PLS3: variants seen among roughly 807,000 people sequenced by gnomAD.
PLS3 encodes the protein plastin 3, also known as plastin-3.
A neutral mutation model predicts 46.5 loss-of-function variants in PLS3; 11 were observed. That is an observed-to-expected ratio of 0.24 (90% CI 0.15 to 0.39). The LOEUF is 0.39. Ranked by LOEUF, PLS3 falls within the 10% of genes least tolerant of loss-of-function variation. The pLI is 1.00. For missense variants in PLS3, 308 were observed against 461.8 expected (o/e 0.67, Z 3.05); for synonymous variants, 167 against 162.2 (o/e 1.03, Z -0.22).
Position 115,629,185 on chromosome X carries a change from C to T in PLS3, c.238-13C>T. 1.8e-6 allele frequency: 2 copies of T among 1,105,561 alleles called. No individual in the cohort carries two copies. Among genetic ancestry groups the T allele is most frequent in the Non-Finnish European group, 2.5e-6 (2 of 807,136 alleles). 91.1% of individuals were successfully genotyped at this position (1,105,561 alleles called of 1,213,427 possible). A position where few individuals can be genotyped will look rare whatever the true frequency, so the allele number is the denominator to read the frequency against. Reference sequence around the variant, plus strand: ...AATTAATTGTGAATCAACAAAATTACTTTAATTAATAGATTTTTCAAGAGG... The same window carrying T: ...AATTAATTGTGAATCAACAAAATTATTTTAATTAATAGATTTTTCAAGAGG... On this transcript the variant is annotated splice_polypyrimidine_tract_variant and intron_variant, in intron 3 of 15. Coordinates refer to ENST00000355899, the MANE Select transcript of PLS3 (RefSeq NM_005032.7).
chrX:115,631,106 G>A (rs1214896248), intron 5 of PLS3, among the ~76,000 whole-genome samples: 1 of 103,645 alleles, frequency 9.6e-6, no homozygotes, highest in Non-Finnish European at 1.9e-5. Flanking sequence ...GCCCAGGCTG[G>A]AGTGCAATGG....
intron 6 of PLS3, among the ~76,000 whole-genome samples, chrX:115,634,506 G>A (rs190488366): frequency 4.5e-5 from 5 of 111,413 alleles, no homozygotes; most frequent in Admixed American, 3.8e-4. Flanking sequence ...AACTCTTTTG[G>A]GCATATGCAG....
intron 8 of PLS3, 59 bp downstream of exon 8, chrX:115,637,037 C>T: frequency 9.3e-7 from 1 of 1,078,820 alleles, no homozygotes; most frequent in Non-Finnish European, 1.3e-6. Flanking sequence ...AGATTTCATC[C>T]CAGCTTAACA....
chrX:115,621,155 G>A (rs1426650396), intron 2 of PLS3, among the ~76,000 whole-genome samples: 2 of 109,099 alleles, frequency 1.8e-5, no homozygotes, highest in South Asian at 4.0e-4. Flanking sequence ...CTGAGATTAC[G>A]GGTGCCCGCC....
intron 3 of PLS3, among the ~76,000 whole-genome samples, chrX:115,628,278 A>G (rs1239872260): frequency 3.6e-5 from 4 of 112,535 alleles, no homozygotes; most frequent in Non-Finnish European, 7.5e-5. Context: ...TCTGTCACGA[A>G]TGTTAAAGGT....
chrX:115,621,475 A>G (rs1294240923), intron 2 of PLS3, among the ~76,000 whole-genome samples: 1 of 112,147 alleles, frequency 8.9e-6, no homozygotes, highest in Non-Finnish European at 1.9e-5. Flanking sequence ...TTCACAGGAA[A>G]ATATATACTC....
intron 12 of PLS3, 22 bp from the exon 13 acceptor site, chrX:115,646,380 A>G (rs1161653864): frequency 2.5e-6 from 3 of 1,203,352 alleles, no homozygotes; most frequent in Non-Finnish European, 2.2e-6. Flanking sequence ...GTCTTTAACC[A>G]TTTACTCTTG....
At chrX:115,598,756 A>G (rs2074413130) in intron 1 of PLS3, among the ~76,000 whole-genome samples, 1 of 112,312 alleles carries the variant, frequency 8.9e-6, no homozygotes, top group Admixed American at 9.5e-5. Context: ...ATTAAGCAGT[A>G]TTAACAAAGA....
At chrX:115,586,687 A>G (rs2074311714) in intron 1 of PLS3, among the ~76,000 whole-genome samples, 1 of 109,473 alleles carries the variant, frequency 9.1e-6, no homozygotes, top group African/African-American at 3.3e-5. Flanking sequence ...CAAAAAAAAA[A>G]AAAAAAAGTT....
chrX:115,639,709 T>C (rs2074875517), intron 8 of PLS3: 1 of 335,890 alleles, frequency 3.0e-6, no homozygotes, highest in African/African-American at 2.6e-5. Context: ...TTTGTGCAAG[T>C]ACAATAGTTT....
chrX:115,591,685 C>G (rs1314854129), intron 1 of PLS3, among the ~76,000 whole-genome samples: 1 of 111,796 alleles, frequency 8.9e-6, no homozygotes, highest in African/African-American at 3.2e-5. Context: ...CTGGTTTTCT[C>G]TGTCTGAAAA....
At chrX:115,566,881 G>A (rs1002122533) in intron 1 of PLS3, among the ~76,000 whole-genome samples, 1 of 109,106 alleles carries the variant, frequency 9.2e-6, no homozygotes, top group Admixed American at 9.8e-5. Flanking sequence ...GTTTCACCAT[G>A]TTGGTCAGGC....
At chrX:115,605,587 C>G (rs2074482974) in intron 1 of PLS3, among the ~76,000 whole-genome samples, 1 of 111,417 alleles carries the variant, frequency 9.0e-6, no homozygotes, top group Non-Finnish European at 1.9e-5. Context: ...TCCCAAGTAT[C>G]TGAGACTACA....
At chrX:115,601,722 T>C (rs1417526429) in intron 1 of PLS3, among the ~76,000 whole-genome samples, 1 of 111,381 alleles carries the variant, frequency 9.0e-6, no homozygotes, top group Non-Finnish European at 1.9e-5. Flanking sequence ...ATCTCAGATA[T>C]TGCAAGGCAA....
intron 2 of PLS3, among the ~76,000 whole-genome samples, chrX:115,615,635 TTTTTTTTTAAGTATCATAA>T (rs2074591804): frequency 9.2e-6 from 1 of 108,613 alleles, no homozygotes; most frequent in African/African-American, 3.4e-5. Context: ...TGCGTAGTGA[TTTTTTTTTAAGTATCATAA>T]TTTTCTTCTT....
At chrX:115,632,508 A>G (rs141857924) in intron 5 of PLS3, among the ~76,000 whole-genome samples, 416 of 111,191 alleles carry the variant, frequency 3.7e-3, no homozygotes, top group Middle Eastern at 9.2e-3. Flanking sequence ...GTCTAAATCT[A>G]GATTTTACCA....
chrX:115,609,800 G>A (rs2074530798), intron 1 of PLS3, among the ~76,000 whole-genome samples: 1 of 112,344 alleles, frequency 8.9e-6, no homozygotes, highest in African/African-American at 3.2e-5. Context: ...GTGATTGATA[G>A]ATGTCAGTAT....
chrX:115,647,283 A>G (rs1228002514), intron 13 of PLS3, among the ~76,000 whole-genome samples: 3 of 106,704 alleles, frequency 2.8e-5, no homozygotes, highest in Non-Finnish European at 5.7e-5. Context: ...AATATAAAAA[A>G]TTAGCCGGGC....
At chrX:115,606,085 G>A (rs1400600910) in intron 1 of PLS3, among the ~76,000 whole-genome samples, 3 of 105,078 alleles carry the variant, frequency 2.9e-5, no homozygotes, top group East Asian at 3.0e-4. Context: ...GGGATAAGGG[G>A]GGCGGGGGGC....
Sources: gnomAD v4.1 joint callset for allele counts (sites outside exome capture counted in the v4.1 genomes callset) on GRCh38, gnomAD v4.1.1 for gene constraint, MANE v1.5 for transcripts, NCBI Gene and HGNC (gene_info 2026-07-23, HGNC 2026-07-21) for gene names.